CFAP54: variants seen among roughly 807,000 people sequenced by gnomAD.
CFAP54 encodes cilia and flagella associated protein 54, also known as cilia- and flagella-associated protein 54.
CFAP54 carries 290 observed loss-of-function variants against 370.4 expected under a neutral mutation model. The ratio of observed to expected loss-of-function variants is 0.78; its 90% CI spans 0.71 to 0.86. The LOEUF is 0.86. Ranked by LOEUF, CFAP54 falls within the 40% of genes least tolerant of loss-of-function variation. The probability of loss-of-function intolerance (pLI) is 0.00; values close to 1 mark genes in which losing one functional copy is unlikely to be tolerated. For missense variants in CFAP54, 3,399 were observed against 3,528.7 expected, an observed-to-expected ratio of 0.96 and a Z score of 0.93; for synonymous variants, 1,206 against 1,236.5, an observed-to-expected ratio of 0.98 and a Z score of 0.52.
chr12:96,764,369 T>G, intron 59 of CFAP54, 120 bp downstream of exon 59: 1 of 663,874 alleles, frequency 1.5e-6, no homozygotes, highest in South Asian at 2.6e-5. Flanking sequence ...ATGCCTGTTA[T>G]CCCAGCACTT....
intron 55 of CFAP54, among the ~76,000 whole-genome samples, chr12:96,746,978 C>A (rs916203242): frequency 1.3e-5 from 2 of 152,116 alleles, no homozygotes; most frequent in Non-Finnish European, 2.9e-5. Context: ...GTGCTTCAAC[C>A]CCCTTCTAAT....
chr12:96,811,959 A>G lies in CFAP54; in HGVS notation c.8957+117A>G, dbSNP rs1354622363. 3 of 575,890 alleles carry G rather than the reference A, an allele frequency of 5.2e-6. No individual in the cohort carries two copies. The East Asian group carries it at 9.7e-5, about 19-fold the overall frequency. 35.7% of individuals were successfully genotyped at this position (575,890 alleles called of 1,614,324 possible). A position where few individuals can be genotyped will look rare whatever the true frequency, so the allele number is the denominator to read the frequency against. ...ACCTGCTAAAAGGCACTTCGCGAAG[A>G]ATCTTCCTTTTGTTTAGAGGAATAT... On this transcript the variant is annotated intron_variant, in intron 64 of 67. Coordinates refer to ENST00000524981, the MANE Select transcript of CFAP54 (RefSeq NM_001306084.2).
At position 96,597,753 on chromosome 12, in the gene CFAP54, A is replaced by G. The variant is rs187523804; in HGVS notation, c.3517-892A>G. 3.0e-3 allele frequency among the ~76,000 whole-genome samples: 456 copies of G among 152,000 alleles called. 3 individuals carry two copies. Among genetic ancestry groups the G allele is most frequent in the African/African-American group, 0.01 (417 of 41,500 alleles). On this transcript the variant is annotated intron_variant, in intron 25 of 67. Coordinates refer to ENST00000524981, the MANE Select transcript of CFAP54 (RefSeq NM_001306084.2). ...TTGAAGGAAAAAATACACACTTCAG[A>G]AAAGTATTTATAAATCCCATTTTGT...
intron 9 of CFAP54, among the ~76,000 whole-genome samples, chr12:96,532,323 C>T (rs1955447953): frequency 1.3e-5 from 2 of 152,192 alleles, no homozygotes; most frequent in South Asian, 4.1e-4. Context: ...CTAGGGTTAG[C>T]TCCTATGCCT....
chr12:96,489,862 T>G lies in CFAP54; in HGVS notation c.253T>G (p.Phe85Val). 6.5e-7 allele frequency: 1 copy of G among 1,535,962 alleles called. No homozygotes were observed. Among genetic ancestry groups the G allele is most frequent in the African/African-American group, 1.4e-5 (1 of 73,122 alleles). ...GAAGGAGATCCAGGAGTTGTTAGGC[T>G]TTATGAGGAAAAAGAAGGCTTTAGC... ...CEKEIQELLGFMRKKKALATT... is the reference protein window; with the variant it reads ...CEKEIQELLGVMRKKKALATT... Residue 85 changes from phenylalanine to valine, a missense_variant, in exon 1 of 68, where the codon TTT becomes GTT. Coordinates refer to ENST00000524981, the MANE Select transcript of CFAP54 (RefSeq NM_001306084.2).
chr12:96,727,134 G>GA (rs1263496686), intron 50 of CFAP54, among the ~76,000 whole-genome samples: 2 of 151,714 alleles, frequency 1.3e-5, no homozygotes, highest in East Asian at 3.9e-4. Flanking sequence ...GTGTGGTGCT[G>GA]AAAAAAATGT....
chr12:96,744,111 A>G lies in CFAP54; in HGVS notation c.7649A>G (p.His2550Arg). Residue 2550 changes from histidine to arginine, a missense_variant, in exon 55 of 68, where the codon CAT (histidine) becomes CGT (arginine). Transcript: ENST00000524981. The stretch of plus-strand genomic sequence containing the variant: ...CCTTTGAAAAATATCTATCTTCCCC[A>G]TGTCATGTTATTGGCCAAAATAAAA... ...LQPLKNIYLP[H>R]VMLLAKIKMR... The G allele has an allele frequency of 1.2e-6, 2 of 1,609,756 alleles. No homozygotes were observed. Among genetic ancestry groups the G allele is most frequent in the Non-Finnish European group, 1.7e-6 (2 of 1,176,774 alleles).
intron 26 of CFAP54, among the ~76,000 whole-genome samples, chr12:96,608,079 GA>G (rs2136451697): frequency 1.3e-5 from 2 of 152,250 alleles, no homozygotes; most frequent in Non-Finnish European, 2.9e-5. Flanking sequence ...TGGGAGCAAT[GA>G]ATCTTGCAAT....
intron 51 of CFAP54, among the ~76,000 whole-genome samples, chr12:96,741,190 G>A (rs969478674): frequency 5.9e-5 from 9 of 151,854 alleles, no homozygotes; most frequent in East Asian, 3.9e-4. Flanking sequence ...TTTTTGAGAC[G>A]GAGTCTCGCT....
At chr12:96,608,430 C>T (rs549054116) in intron 26 of CFAP54, among the ~76,000 whole-genome samples, 6 of 148,860 alleles carry the variant, frequency 4.0e-5, no homozygotes, top group Non-Finnish European at 7.4e-5. Flanking sequence ...AATATGTGAC[C>T]ATGAGCAGAA....
At chr12:96,583,749 G>A (rs1956052066) in intron 22 of CFAP54, among the ~76,000 whole-genome samples, 1 of 152,150 alleles carries the variant, frequency 6.6e-6, no homozygotes. Flanking sequence ...ACCAGCTCAT[G>A]CCTTTGGACT....
chr12:96,696,048 A>G (rs73379235), intron 45 of CFAP54, among the ~76,000 whole-genome samples: 23,452 of 152,218 alleles, frequency 0.15, 2,321 homozygotes, highest in East Asian at 0.48. Context: ...TTTAGGTTTC[A>G]TAAGTAGGTA....
intron 6 of CFAP54, among the ~76,000 whole-genome samples, chr12:96,520,386 A>C (rs1254728865): frequency 1.3e-5 from 2 of 151,862 alleles, no homozygotes; most frequent in African/African-American, 2.4e-5. Flanking sequence ...TCTACTAAAA[A>C]TACAAAAATT....
At chr12:96,646,194 T>C (rs973895070) in intron 33 of CFAP54, 3 of 152,104 alleles carry the variant, frequency 2.0e-5, no homozygotes, top group Admixed American at 6.5e-5. Context: ...ATTTTTGCAA[T>C]CTACTCATCT....
intron 63 of CFAP54, among the ~76,000 whole-genome samples, chr12:96,801,391 T>A (rs1226833379): frequency 6.6e-6 from 1 of 152,218 alleles, no homozygotes; most frequent in East Asian, 1.9e-4. Context: ...AAACTGAGCA[T>A]CTTTTGAACA....
chr12:96,512,301 TTATATATATATATATATATATATATA>T (rs1165045194), intron 4 of CFAP54, among the ~76,000 whole-genome samples: 38 of 31,138 alleles, frequency 1.2e-3, no homozygotes, highest in Admixed American at 4.7e-3. Context: ...GGAACCAATT[TTATATATATATATATATATATATATA>T]TATATATATA....
chr12:96,697,445 C>CT (rs531149879), intron 45 of CFAP54, among the ~76,000 whole-genome samples: 141 of 152,254 alleles, frequency 9.3e-4, no homozygotes, highest in African/African-American at 3.2e-3. Context: ...CCCAAGGTGT[C>CT]TTAGGCAAAG....
Position 96,554,182 on chromosome 12 carries a change from A to G in CFAP54, c.2155A>G (p.Lys719Glu). The G allele has an allele frequency of 3.4e-6, 5 of 1,477,128 alleles. No individual in the cohort carries two copies. Among genetic ancestry groups the G allele is most frequent in the Non-Finnish European group, 3.6e-6 (4 of 1,120,602 alleles). The allele number at this position is 1,477,128 out of a possible 1,614,324, so 91.5% of individuals were successfully genotyped here. A position where few individuals can be genotyped will look rare whatever the true frequency, so the allele number is the denominator to read the frequency against. The change falls in exon 16 of 68, where the codon AAA becomes GAA. Residue 719 changes from lysine to glutamate, a missense_variant and splice_region_variant. By Grantham distance (56) the Lys-to-Glu change is moderately conservative (BLOSUM62 1). Transcript: ENST00000524981. ...TTTTTTGTTTATAAAATTATTTTAG[A>G]AAAATCCTGTGGAACAGTTACTTTT... Reference protein sequence around the residue: ...GITEILPILQKNPVEQLLFAY... With the variant: ...GITEILPILQENPVEQLLFAY...
chr12:96,662,380 T>C (rs1033229939), intron 38 of CFAP54, among the ~76,000 whole-genome samples: 2 of 152,124 alleles, frequency 1.3e-5, no homozygotes, highest in African/African-American at 4.8e-5. Context: ...GATTTTTGTA[T>C]TTTTAGTAGA....
Sources: allele counts gnomAD v4.1 joint callset (sites outside exome capture counted in the v4.1 genomes callset), GRCh38; gene constraint gnomAD v4.1.1; transcripts MANE v1.5; gene names NCBI Gene and HGNC (gene_info 2026-07-23, HGNC 2026-07-21).